PCDHA9: variants seen among roughly 807,000 people sequenced by gnomAD.
PCDHA9 encodes protocadherin alpha 9.
A neutral mutation model predicts 62.0 loss-of-function variants in PCDHA9; 62 were observed. The observed-to-expected ratio is 1.00, with a 90% CI of 0.81 to 1.23. The LOEUF (loss-of-function observed/expected upper bound fraction) is 1.23. Ranked by LOEUF, PCDHA9 falls within the 50% of genes most tolerant of loss-of-function variation. The probability of loss-of-function intolerance (pLI) is 0.00; values close to 1 mark genes in which losing one functional copy is unlikely to be tolerated. For missense variants in PCDHA9, 1,205 were observed against 1,249.8 expected (o/e 0.96, Z 0.54); for synonymous variants, 557 against 567.6 (o/e 0.98, Z 0.27).
intron 1 of PCDHA9, chr5:140,871,356 G>A (rs368141967): frequency 1.0e-4 from 163 of 1,614,090 alleles, no homozygotes; most frequent in Non-Finnish European, 1.3e-4. Context: ...CATACTCGCA[G>A]CAGAGGCGGC....
intron 1 of PCDHA9, among the ~76,000 whole-genome samples, chr5:140,907,449 A>G (rs1554192997): frequency 6.6e-6 from 1 of 152,232 alleles, no homozygotes; most frequent in Admixed American, 6.5e-5. Flanking sequence ...ACAGATGGTA[A>G]TCTTGGCAGA....
chr5:140,863,388 C>A (rs2047990567), intron 1 of PCDHA9: 2 of 1,000,024 alleles, frequency 2.0e-6, no homozygotes, highest in African/African-American at 1.6e-5. Context: ...AGAGCTCGTG[C>A]ATGCCGGGCA....
intron 1 of PCDHA9, chr5:140,926,634 T>C (rs2083423230): frequency 6.8e-6 from 3 of 438,778 alleles, no homozygotes; most frequent in Non-Finnish European, 1.2e-5. Context: ...GCTGCGCTCC[T>C]CAACACCCGG....
At chr5:140,996,752 GT>G (rs1406262736) in intron 3 of PCDHA9, among the ~76,000 whole-genome samples, 2 of 152,208 alleles carry the variant, frequency 1.3e-5, no homozygotes, top group East Asian at 3.9e-4. Flanking sequence ...AATTATATCT[GT>G]GCAGGACTAA....
At chr5:140,896,946 T>A (rs2065814718) in intron 1 of PCDHA9, among the ~76,000 whole-genome samples, 1 of 152,134 alleles carries the variant, frequency 6.6e-6, no homozygotes, top group Non-Finnish European at 1.5e-5. Context: ...GGAATGGCCA[T>A]TCCCTTAAAC....
chr5:140,984,340 T>C (rs1224859959), intron 3 of PCDHA9, among the ~76,000 whole-genome samples: 1 of 152,242 alleles, frequency 6.6e-6, no homozygotes, highest in African/African-American at 2.4e-5. Flanking sequence ...ATAGGAACCA[T>C]GTATTGATAT....
chr5:140,919,954 T>G (rs1159524037), intron 1 of PCDHA9, among the ~76,000 whole-genome samples: 2 of 149,936 alleles, frequency 1.3e-5, no homozygotes, highest in East Asian at 4.0e-4. Context: ...AAAAGTTTGT[T>G]TTGTTTTTTA....
intron 1 of PCDHA9, chr5:140,926,295 C>T (rs1554203253): frequency 6.6e-6 from 1 of 152,322 alleles, no homozygotes; most frequent in African/African-American, 2.4e-5. Flanking sequence ...CGCTGAGTCC[C>T]GCCCTCTCCG....
At chr5:140,990,288 C>T (rs537252814) in intron 3 of PCDHA9, among the ~76,000 whole-genome samples, 1 of 152,226 alleles carries the variant, frequency 6.6e-6, no homozygotes, top group South Asian at 2.1e-4. Context: ...TTGAGATTAT[C>T]GATGCCATTG....
chr5:140,950,917 A>ACT (rs1554219681), intron 1 of PCDHA9, among the ~76,000 whole-genome samples: 4 of 151,642 alleles, frequency 2.6e-5, no homozygotes, highest in African/African-American at 9.7e-5. Context: ...ATTTTATTTC[A>ACT]GTTCTTTTTC....
At chr5:140,866,092 G>C (rs1167702930) in intron 1 of PCDHA9, 1 of 152,100 alleles carries the variant, frequency 6.6e-6, no homozygotes, top group Non-Finnish European at 1.5e-5. Context: ...TTATGTAATT[G>C]TTAAGTAATT....
At chr5:140,895,250 T>G (rs2153449407) in intron 1 of PCDHA9, among the ~76,000 whole-genome samples, 1 of 152,318 alleles carries the variant, frequency 6.6e-6, no homozygotes, top group African/African-American at 2.4e-5. Flanking sequence ...TTTTCAAAGC[T>G]TTCTTTTTTT....
chr5:140,896,485 C>T (rs1259028670), intron 1 of PCDHA9, among the ~76,000 whole-genome samples: 1 of 152,032 alleles, frequency 6.6e-6, no homozygotes, highest in African/African-American at 2.4e-5. Flanking sequence ...GCCTCAGCCT[C>T]CTGAGTAGCT....
chr5:140,883,547 G>A (rs782704587), intron 1 of PCDHA9: 2 of 1,614,234 alleles, frequency 1.2e-6, no homozygotes, highest in Admixed American at 1.7e-5. Flanking sequence ...GGTGGTGACC[G>A]CGCGGGACGG....
At chr5:140,876,906 G>C (rs782762108) in intron 1 of PCDHA9, 10 of 1,613,910 alleles carry the variant, frequency 6.2e-6, no homozygotes, top group Middle Eastern at 3.3e-4. Flanking sequence ...TCACGGTGTC[G>C]GCATGGGACG....
chr5:140,915,626 GTC>G (rs57920489), intron 1 of PCDHA9, among the ~76,000 whole-genome samples: 12,146 of 145,794 alleles, frequency 0.083, 491 homozygotes, highest in Middle Eastern at 0.12. Context: ...GTCTCTTTCT[GTC>G]TCTCTCTCTC....
rs532781317 is a variant in PCDHA9, at chr5:140,854,917, G to A, written c.2394+4028G>A. 4.6e-4 allele frequency among the ~76,000 whole-genome samples: 69 copies of A among 149,868 alleles called. 3 individuals are homozygous for A. Among genetic ancestry groups the A allele is most frequent in the South Asian group, 2.8e-3 (13 of 4,714 alleles). ...AAGCGTAAATATAACAGGGTTGAAA[G>A]CATTTGCCTCTGAAAGCAGAAATAA... On this transcript the variant is annotated intron_variant, in intron 1 of 3. Transcript: ENST00000532602.
intron 1 of PCDHA9, among the ~76,000 whole-genome samples, chr5:140,891,369 A>G (rs13168533): frequency 0.051 from 7,710 of 152,068 alleles, 281 homozygotes; most frequent in Non-Finnish European, 0.073. Context: ...AGCAGTATAC[A>G]TTGCACCATA....
chr5:140,982,795 ATG>A (rs60616196), intron 3 of PCDHA9, among the ~76,000 whole-genome samples: 18 of 151,504 alleles, frequency 1.2e-4, no homozygotes, highest in African/African-American at 3.2e-4. Flanking sequence ...GCATGTGTGC[ATG>A]TGTGTGTGTG....
Sources: allele counts gnomAD v4.1 joint callset (sites outside exome capture counted in the v4.1 genomes callset), GRCh38; gene constraint gnomAD v4.1.1; transcripts MANE v1.5; gene names NCBI Gene and HGNC (gene_info 2026-07-23, HGNC 2026-07-21).